ENTHD1: variants seen among roughly 807,000 people sequenced by gnomAD.
The protein encoded by ENTHD1 is ENTH domain containing 1.
A neutral mutation model predicts 39.1 loss-of-function variants in ENTHD1; 23 were observed. The observed-to-expected ratio is 0.59, with a 90% CI of 0.42 to 0.83. The LOEUF is 0.83. ENTHD1 is among the 40% of genes least tolerant of loss of function. The probability of loss-of-function intolerance (pLI) is 0.00; values close to 1 mark genes in which losing one functional copy is unlikely to be tolerated. For synonymous variants in ENTHD1, 230 were observed against 258.2 expected, an observed-to-expected ratio of 0.89 and a Z score of 1.05; for missense variants, 624 against 705.4, an observed-to-expected ratio of 0.88 and a Z score of 1.31.
intron 5 of ENTHD1, among the ~76,000 whole-genome samples, chr22:39,815,484 T>C (rs964728335): frequency 6.6e-6 from 1 of 151,510 alleles, no homozygotes; most frequent in Admixed American, 6.6e-5. Flanking sequence ...GAACAAATGA[T>C]ACCCACCCAA....
At chr22:39,888,698 T>C (rs2066403564) in intron 1 of ENTHD1, among the ~76,000 whole-genome samples, 1 of 152,126 alleles carries the variant, frequency 6.6e-6, no homozygotes, top group Non-Finnish European at 1.5e-5. Context: ...AGTGCTGGGA[T>C]TATAGCCGTG....
At chr22:39,865,445 G>T (rs1052913316) in intron 2 of ENTHD1, among the ~76,000 whole-genome samples, 1 of 151,734 alleles carries the variant, frequency 6.6e-6, no homozygotes, top group East Asian at 1.9e-4. Context: ...TAAGAAGAAC[G>T]TAATAAACCT....
rs888497494 is a variant in ENTHD1 at position 39,867,845 on chromosome 22, T to C, written c.350-5838A>G. Among the ~76,000 whole-genome samples the C allele has an allele frequency of 2.0e-5, 3 of 152,052 alleles. No individual in the cohort carries two copies. The highest frequency in any genetic ancestry group is 7.2e-5 in the African/African-American group (3 of 41,406). On this transcript the variant is annotated intron_variant, in intron 2 of 6. Transcript: ENST00000325157. The surrounding 1 kb of genome is among the most constrained non-coding windows in gnomAD (Gnocchi z 4.5). The stretch of plus-strand genomic sequence containing the variant: ...GACACAGTAAGTTCATGCTTCAAAG[T>C]ATCCCCCTGTTCTATTCCAAATACA...
intron 2 of ENTHD1, chr22:39,876,071 C>G: frequency 6.2e-7 from 1 of 1,613,554 alleles, no homozygotes; most frequent in South Asian, 1.1e-5. Flanking sequence ...CCTTGAAGTC[C>G]CCACGTATGA....
intron 5 of ENTHD1, among the ~76,000 whole-genome samples, chr22:39,792,190 A>G (rs867857200): frequency 1.6e-4 from 25 of 152,186 alleles, no homozygotes; most frequent in African/African-American, 5.8e-4. Flanking sequence ...TAGTGCTGCA[A>G]TGAACATACG....
chr22:39,839,015 ATAACT>A (rs1292754158), intron 3 of ENTHD1, among the ~76,000 whole-genome samples: 1 of 152,160 alleles, frequency 6.6e-6, no homozygotes, highest in Non-Finnish European at 1.5e-5. Context: ...AAAGATGGAT[ATAACT>A]TAACAGTTTG....
In ENTHD1 at chr22:39,856,013, G is replaced by A. The variant is rs563473664; in HGVS notation, c.592+5752C>T. 3.9e-5 allele frequency among the ~76,000 whole-genome samples: 6 copies of A among 152,206 alleles called. No individual in the cohort carries two copies. The East Asian group carries it at 7.7e-4, about 20-fold the overall frequency. On this transcript the variant is annotated intron_variant, in intron 3 of 6. Coordinates refer to ENST00000325157, the MANE Select transcript of ENTHD1 (RefSeq NM_152512.4). Reference sequence around the variant, plus strand: ...TCGTGGCCGGGCGCGGTGGCTCAACGCCTGTAATCCCAGCACTTTGGGAGG... The same window carrying A: ...TCGTGGCCGGGCGCGGTGGCTCAACACCTGTAATCCCAGCACTTTGGGAGG...
At chr22:39,831,924 G>A (rs2065872481) in intron 4 of ENTHD1, among the ~76,000 whole-genome samples, 1 of 152,128 alleles carries the variant, frequency 6.6e-6, no homozygotes, top group Non-Finnish European at 1.5e-5. Context: ...TAATTTACCG[G>A]AATAAATCAA....
rs372382761 is a variant in ENTHD1 at position 39,784,137 on chromosome 22, GA to G, written c.833-18529del. On this transcript the variant is annotated intron_variant, in intron 5 of 6. Transcript: ENST00000325157. ...ACAGACACATGGCCAACAGGTATAT[GA>G]AAAAAAATGCTCAACATCACTAAAC... Among the ~76,000 whole-genome samples the G allele has an allele frequency of 1.2e-3, 176 of 151,574 alleles. 4 individuals carry two copies. The East Asian group carries it at 0.028, about 24-fold the overall frequency.
chr22:39,854,121 G>A (rs544137396), intron 3 of ENTHD1, among the ~76,000 whole-genome samples: 26 of 152,224 alleles, frequency 1.7e-4, no homozygotes, highest in South Asian at 6.2e-4. Flanking sequence ...TTCACCCACC[G>A]TGCACATCCT....
chr22:39,802,323 G>A (rs976741774), intron 5 of ENTHD1, among the ~76,000 whole-genome samples: 26 of 152,226 alleles, frequency 1.7e-4, no homozygotes, highest in Admixed American at 1.5e-3. Context: ...TTAAGCTTAG[G>A]TTGGATGAAG....
intron 2 of ENTHD1, among the ~76,000 whole-genome samples, chr22:39,878,792 ATTAT>A (rs1258646011): frequency 6.6e-6 from 1 of 152,104 alleles, no homozygotes; most frequent in Non-Finnish European, 1.5e-5. Context: ...AAACTTTCTT[ATTAT>A]TTATTAATAA....
At chr22:39,865,862 CCAAGA>C (rs541748598) in intron 2 of ENTHD1, among the ~76,000 whole-genome samples, 71 of 152,276 alleles carry the variant, frequency 4.7e-4, no homozygotes, top group Admixed American at 2.5e-3. Flanking sequence ...ACAAAGGAAG[CCAAGA>C]CTGGAAAACT....
chr22:39,831,301 A>G (rs749385124), intron 4 of ENTHD1, among the ~76,000 whole-genome samples: 6 of 152,220 alleles, frequency 3.9e-5, no homozygotes, highest in Admixed American at 6.5e-5. Flanking sequence ...CTCTGATACC[A>G]GCAAAAGAAA....
At chr22:39,890,008 GA>G (rs2066413433) in intron 1 of ENTHD1, among the ~76,000 whole-genome samples, 1 of 151,838 alleles carries the variant, frequency 6.6e-6, no homozygotes, top group African/African-American at 2.4e-5. Flanking sequence ...TGAGGCATAA[GA>G]ATCACTGGAA....
chr22:39,788,665 C>G (rs187399451), intron 5 of ENTHD1, among the ~76,000 whole-genome samples: 13 of 152,234 alleles, frequency 8.5e-5, no homozygotes, highest in Admixed American at 8.5e-4. Flanking sequence ...TAAAATGCTA[C>G]CAAACAGCAT....
intron 2 of ENTHD1, among the ~76,000 whole-genome samples, chr22:39,869,227 A>G (rs951254694): frequency 2.0e-5 from 3 of 152,228 alleles, no homozygotes; most frequent in African/African-American, 7.2e-5. Flanking sequence ...GTGCCCATCA[A>G]TGGTGGATTG....
In ENTHD1 at chr22:39,783,521, C is replaced by T. The variant is rs181460577; in HGVS notation, c.833-17912G>A. Among the ~76,000 whole-genome samples the T allele has an allele frequency of 2.0e-5, 3 of 152,112 alleles. No homozygotes were observed. The East Asian group carries it at 5.8e-4, about 29-fold the overall frequency. On this transcript the variant is annotated intron_variant, in intron 5 of 6. Transcript: ENST00000325157. Reference sequence around the variant, plus strand: ...AAAATTTACTACAAAACTAGAGTAACCAAATCAGCGTGAATAAAAAAACAG... The same window carrying T: ...AAAATTTACTACAAAACTAGAGTAATCAAATCAGCGTGAATAAAAAAACAG...
At position 39,765,389 on chromosome 22, in the gene ENTHD1, C is replaced by T. The variant is rs1404080099; in HGVS notation, c.1053G>A (p.Lys351=). The T allele has an allele frequency of 3.7e-6, 6 of 1,613,992 alleles. No homozygotes were observed. The highest frequency in any genetic ancestry group is 5.1e-6 in the Non-Finnish European group (6 of 1,179,978). The change falls in exon 6 of 7, where the codon AAG becomes AAA. Residue 351 remains lysine, a synonymous_variant. Coordinates refer to ENST00000325157, the MANE Select transcript of ENTHD1 (RefSeq NM_152512.4). ...CCTGGTTATGGAAAGTAGAATCTGA[C>T]TTTGATACCCTTAAGTCGGGGCTGA... is the stretch of plus-strand genomic sequence containing the variant. ...EFISPDLRVS[K]SDSTFHNQAS...
Sources: gnomAD v4.1 joint callset for allele counts (sites outside exome capture counted in the v4.1 genomes callset) on GRCh38, gnomAD v4.1.1 for gene constraint, Gnocchi (gnomAD v3.1) non-coding constraint, MANE v1.5 for transcripts, NCBI Gene and HGNC (gene_info 2026-07-23, HGNC 2026-07-21) for gene names.